The following FSTL5 variants were observed in gnomAD, a reference collection of about 807,000 sequenced individuals.
FSTL5 encodes follistatin-related protein 5.
In FSTL5, 62 loss-of-function variants were observed where a neutral mutation model predicts 89.1. The observed-to-expected ratio is 0.70, with a 90% CI of 0.57 to 0.86. The LOEUF is 0.86. Among genes scored for constraint, FSTL5 ranks in the 40% least tolerant of loss-of-function variants. The pLI is 0.00. For synonymous variants in FSTL5, 383 were observed against 346.2 expected (o/e 1.11, Z -1.18); for missense variants, 1,057 against 1,001.6 (o/e 1.06, Z -0.75).
intron 4 of FSTL5, among the ~76,000 whole-genome samples, chr4:161,822,688 C>T (rs2126852352): frequency 6.6e-6 from 1 of 152,286 alleles, no homozygotes; most frequent in Admixed American, 6.5e-5. Flanking sequence ...CATTGTCACC[C>T]ACAGTATGGT....
chr4:161,588,399 T>C (rs915276784), intron 7 of FSTL5, among the ~76,000 whole-genome samples: 2 of 152,076 alleles, frequency 1.3e-5, no homozygotes, highest in African/African-American at 2.4e-5. Context: ...AGAATAGCAT[T>C]TATTTTCCAA....
intron 3 of FSTL5, among the ~76,000 whole-genome samples, chr4:162,003,023 A>T (rs1183578197): frequency 6.6e-6 from 1 of 152,094 alleles, no homozygotes; most frequent in Non-Finnish European, 1.5e-5. Context: ...AGGCGCCTCT[A>T]GTCCCAGCTA....
intron 7 of FSTL5, among the ~76,000 whole-genome samples, chr4:161,602,244 AGGGAGAGAAAGAG>A (rs1734272072): frequency 7.7e-6 from 1 of 129,772 alleles, no homozygotes; most frequent in Non-Finnish European, 1.6e-5. Flanking sequence ...AGTGAGAGAG[AGGGAGAGAAAGAG>A]AGAGAGAGAG....
chr4:161,776,988 C>T (rs948556791), intron 4 of FSTL5, among the ~76,000 whole-genome samples: 2 of 151,772 alleles, frequency 1.3e-5, no homozygotes, highest in African/African-American at 4.8e-5. Context: ...GTATTTTGTA[C>T]CCAACCAACT....
chr4:162,009,746 C>T (rs1045156261), intron 3 of FSTL5, among the ~76,000 whole-genome samples: 8 of 151,962 alleles, frequency 5.3e-5, no homozygotes, highest in African/African-American at 1.9e-4. Context: ...CTACATTATT[C>T]TATGAATGCA....
intron 6 of FSTL5, among the ~76,000 whole-genome samples, chr4:161,716,901 G>A (rs1739005149): frequency 6.6e-6 from 1 of 151,592 alleles, no homozygotes; most frequent in Non-Finnish European, 1.5e-5. Context: ...TCAGGGCAGA[G>A]AGGATAGAGA....
At chr4:161,613,608 T>C (rs1296213851) in intron 7 of FSTL5, among the ~76,000 whole-genome samples, 2 of 152,088 alleles carry the variant, frequency 1.3e-5, no homozygotes, top group Non-Finnish European at 1.5e-5. Context: ...AAATCTCCAA[T>C]GACTTCTTCA....
chr4:162,099,057 A>G (rs1294394747), intron 2 of FSTL5, among the ~76,000 whole-genome samples: 1 of 152,022 alleles, frequency 6.6e-6, no homozygotes, highest in African/African-American at 2.4e-5. Flanking sequence ...TTTTAGGTGC[A>G]TGTGATAGTT....
intron 3 of FSTL5, among the ~76,000 whole-genome samples, chr4:161,945,228 C>T (rs1734702251): frequency 6.6e-6 from 1 of 152,124 alleles, no homozygotes; most frequent in Non-Finnish European, 1.5e-5. Context: ...AAATTTCAGG[C>T]TAATCATTTT....
intron 2 of FSTL5, among the ~76,000 whole-genome samples, chr4:162,091,535 C>T (rs1395833105): frequency 2.0e-5 from 3 of 152,098 alleles, no homozygotes; most frequent in Non-Finnish European, 4.4e-5. Flanking sequence ...CCCCAGTTAA[C>T]CTGGCAAACA....
intron 3 of FSTL5, among the ~76,000 whole-genome samples, chr4:161,999,445 A>G (rs1736398323): frequency 6.6e-6 from 1 of 152,180 alleles, no homozygotes. Flanking sequence ...AACCAATAAT[A>G]TACATTTATA....
intron 6 of FSTL5, among the ~76,000 whole-genome samples, chr4:161,686,465 T>C (rs1423923754): frequency 2.1e-5 from 3 of 145,488 alleles, no homozygotes; most frequent in Non-Finnish European, 3.0e-5. Context: ...TTCATGCCAT[T>C]CTCCTGCCTC....
intron 7 of FSTL5, among the ~76,000 whole-genome samples, chr4:161,648,992 G>T (rs1275097291): frequency 1.3e-5 from 2 of 152,142 alleles, no homozygotes; most frequent in African/African-American, 4.8e-5. Context: ...TAAGCACAGA[G>T]AAATCAACAA....
intron 6 of FSTL5, among the ~76,000 whole-genome samples, chr4:161,719,069 T>C (rs1739102826): frequency 6.6e-6 from 1 of 152,162 alleles, no homozygotes; most frequent in African/African-American, 2.4e-5. Context: ...CATCTGTAGT[T>C]TCATCTAACA....
intron 2 of FSTL5, among the ~76,000 whole-genome samples, chr4:162,045,118 T>G (rs2111237272): frequency 6.6e-6 from 1 of 152,322 alleles, no homozygotes; most frequent in East Asian, 1.9e-4. Context: ...TCAGCCTGTC[T>G]CGGCTTTTGT....
chr4:161,394,291 T>G lies in FSTL5; in HGVS notation c.1842-7842A>C, dbSNP rs145607133. On this transcript the variant is annotated intron_variant, in intron 15 of 15. Transcript: ENST00000306100. ...ATACCCATTTTTTGTTTTGTTTTGT[T>G]TTGAGACAGAGTCTCACTCTGTAGC... 1.5e-3 allele frequency among the ~76,000 whole-genome samples: 224 copies of G among 152,318 alleles called. 3 individuals are homozygous for G. The East Asian group carries it at 0.037, about 25-fold the overall frequency.
intron 6 of FSTL5, among the ~76,000 whole-genome samples, chr4:161,718,017 CCT>C (rs1443854754): frequency 1.3e-5 from 2 of 152,044 alleles, no homozygotes; most frequent in African/African-American, 4.8e-5. Context: ...ATGTTTATCA[CCT>C]AATATTTGAA....
intron 2 of FSTL5, among the ~76,000 whole-genome samples, chr4:162,070,947 T>C (rs1272319327): frequency 6.6e-6 from 1 of 151,464 alleles, no homozygotes; most frequent in Non-Finnish European, 1.5e-5. Context: ...TATACTGTCA[T>C]GAAAACATAC....
At chr4:161,434,154 A>G (rs553955432) in intron 15 of FSTL5, among the ~76,000 whole-genome samples, 11 of 152,298 alleles carry the variant, frequency 7.2e-5, no homozygotes, top group South Asian at 6.2e-4. Flanking sequence ...TTCAAATTAT[A>G]CTACAGTGCT....
Sources: allele counts gnomAD v4.1 joint callset (sites outside exome capture counted in the v4.1 genomes callset), GRCh38; gene constraint gnomAD v4.1.1; transcripts MANE v1.5; gene names NCBI Gene and HGNC (gene_info 2026-07-23, HGNC 2026-07-21).